Variants in OXNAD1 observed in about 807,000 individuals in gnomAD.
The protein encoded by OXNAD1 is oxidoreductase NAD-binding domain-containing protein 1.
OXNAD1 carries 34 observed loss-of-function variants against 32.9 expected under a neutral mutation model. That is an observed-to-expected ratio of 1.03 (90% CI 0.79 to 1.38). OXNAD1 has a LOEUF of 1.38. OXNAD1 is among the 40% of genes most tolerant of loss of function. The probability of loss-of-function intolerance (pLI) is 0.00; values close to 1 mark genes in which losing one functional copy is unlikely to be tolerated. For missense variants in OXNAD1, 407 were observed against 379.4 expected, an observed-to-expected ratio of 1.07 and a Z score of -0.60; for synonymous variants, 134 against 135.2, an observed-to-expected ratio of 0.99 and a Z score of 0.06.
In OXNAD1 at chr3:16,289,508, G is replaced by T. The variant is rs2066286532; in HGVS notation, c.290+3060G>T. Among the ~76,000 whole-genome samples the T allele has an allele frequency of 6.6e-6, 1 of 152,170 alleles. No individual in the cohort carries two copies. Among genetic ancestry groups the T allele is most frequent in the African/African-American group, 2.4e-5 (1 of 41,430 alleles). On this transcript the variant is annotated intron_variant, in intron 5 of 8. Coordinates refer to ENST00000285083, the MANE Select transcript of OXNAD1 (RefSeq NM_138381.5). This position sits in a 1 kb window ranked among gnomAD's most constrained non-coding sequence, Gnocchi z 4.9. ...ACTTTGAGCCCTGCTGAGAGAAAGAGGACACCAAGAAGAAACACTGGAGGA... is the reference window on the plus strand; with the variant it reads ...ACTTTGAGCCCTGCTGAGAGAAAGATGACACCAAGAAGAAACACTGGAGGA...
At position 16,335,159 on chromosome 3, in the gene OXNAD1, A is replaced by G. The variant is rs1450612895; in HGVS notation, c.*31-1953A>G. Among the ~76,000 whole-genome samples, 4 of 152,264 alleles carry G rather than the reference A, an allele frequency of 2.6e-5. No individual in the cohort carries two copies. The highest frequency in any genetic ancestry group is 5.9e-5 in the Non-Finnish European group (4 of 68,040). The stretch of plus-strand genomic sequence containing the variant: ...CACTAAATCTGTGATTTGTTGCCGC[A>G]GCAACAGGAAATTAATCCACAGCTC... On this transcript the variant is annotated intron_variant, in intron 9 of 9. Coordinates refer to the OXNAD1 transcript ENST00000435829. This position sits in a 1 kb window ranked among gnomAD's most constrained non-coding sequence, Gnocchi z 4.7.
At chr3:16,324,356 AT>A (rs1311709796) in intron 9 of OXNAD1, among the ~76,000 whole-genome samples, 1 of 152,172 alleles carries the variant, frequency 6.6e-6, no homozygotes, top group Non-Finnish European at 1.5e-5. Context: ...AATAGTCACC[AT>A]TCTGTGCAAT....
intron 5 of OXNAD1, among the ~76,000 whole-genome samples, chr3:16,294,309 T>A (rs1248123815): frequency 2.6e-5 from 4 of 152,138 alleles, no homozygotes; most frequent in African/African-American, 4.8e-5. Flanking sequence ...TTCAGGTGAT[T>A]CTTCTGCCTC....
chr3:16,345,422 T>C lies in OXNAD1; in HGVS notation c.*31-3754T>C, dbSNP rs1397505258. 6.6e-6 allele frequency among the ~76,000 whole-genome samples: 1 copy of C among 152,152 alleles called. No homozygotes were observed. The highest frequency in any genetic ancestry group is 1.5e-5 in the Non-Finnish European group (1 of 68,022). ...TTGCCACAGGATGCATAAACATTATTTTTGGGCATGTTGTGAGGGTGTTTC... is the reference window on the plus strand; with the variant it reads ...TTGCCACAGGATGCATAAACATTATCTTTGGGCATGTTGTGAGGGTGTTTC... On this transcript the variant is annotated intron_variant, in intron 9 of 9. Coordinates refer to the OXNAD1 transcript ENST00000606098. This position sits in a 1 kb window ranked among gnomAD's most constrained non-coding sequence, Gnocchi z 5.2.
rs957893120 is a variant in OXNAD1 at position 16,324,621 on chromosome 3, C to CCCCCCCG, written c.*31-12490_*31-12489insCCCCCGC. Among the ~76,000 whole-genome samples the CCCCCCCG allele has an allele frequency of 1.9e-4, 26 of 136,604 alleles. 1 individual carries two copies. Among genetic ancestry groups the CCCCCCCG allele is most frequent in the Non-Finnish European group, 3.1e-4 (19 of 61,280 alleles). The allele number at this position is 136,604 out of a possible 152,430, so 89.6% of individuals were successfully genotyped here. Reference sequence around the variant, plus strand: ...ATAACAGAATGTCCCTGACCCCCCCCCTTTTAAGGTTGCATAGTATTCCAT... The same window carrying CCCCCCCG: ...ATAACAGAATGTCCCTGACCCCCCCCCCCCCCGCTTTTAAGGTTGCATAGTATTCCAT... On this transcript the variant is annotated intron_variant, in intron 9 of 9. Transcript: ENST00000435829.
Position 16,303,493 on chromosome 3 carries a change from CT to C in OXNAD1, c.875del (p.Phe292SerfsTer33). ...YICGPPPMTDFFSKQLENNHV... is the reference protein window; with the variant it reads ...YICGPPPMTDXFSKQLENNHV... ...TTTGTGGCCCACCTCCAATGACAGA[CT>C]TTTTCTCCAAGCAACTGGAAAACAA... is the stretch of plus-strand genomic sequence containing the variant. On this transcript the variant is annotated frameshift_variant, in exon 9 of 9. Transcript: ENST00000285083. LOFTEE classifies it high-confidence loss of function. This position sits in a 1 kb window ranked among gnomAD's most constrained non-coding sequence, Gnocchi z 4.8. 4 of 1,614,038 alleles carry C rather than the reference CT, an allele frequency of 2.5e-6. No individual in the cohort carries two copies. The highest frequency in any genetic ancestry group is 3.4e-6 in the Non-Finnish European group (4 of 1,179,950).
At position 16,346,884 on chromosome 3, in the gene OXNAD1, G is replaced by A. The variant is rs745524606; in HGVS notation, c.*31-2292G>A. On this transcript the variant is annotated intron_variant, in intron 9 of 9. Transcript: ENST00000606098. This position sits in a 1 kb window ranked among gnomAD's most constrained non-coding sequence, Gnocchi z 4.4. ...GAAAGATGGCAACATCTGGATCCCT[G>A]GTGGCATCTTTAAGCTGTTGACAAA... Among the ~76,000 whole-genome samples the A allele has an allele frequency of 6.6e-5, 10 of 152,244 alleles. No homozygotes were observed. The highest frequency in any genetic ancestry group is 2.0e-4 in the Admixed American group (3 of 15,296).
intron 4 of OXNAD1, among the ~76,000 whole-genome samples, chr3:16,281,698 C>G (rs1396384937): frequency 6.6e-6 from 1 of 152,092 alleles, no homozygotes; most frequent in African/African-American, 2.4e-5. Context: ...ACTAATGCTT[C>G]CATTTCACAT....
intron 4 of OXNAD1, among the ~76,000 whole-genome samples, chr3:16,278,536 G>A (rs1486278925): frequency 6.6e-6 from 1 of 152,194 alleles, no homozygotes; most frequent in Non-Finnish European, 1.5e-5. Flanking sequence ...CGTTCCTGGT[G>A]TAATAGCACT....
At position 16,289,988 on chromosome 3, in the gene OXNAD1, T is replaced by A. The variant is rs1461676575; in HGVS notation, c.290+3540T>A. Among the ~76,000 whole-genome samples the A allele has an allele frequency of 2.0e-5, 3 of 152,224 alleles. No homozygotes were observed. The highest frequency in any genetic ancestry group is 3.8e-4 in the East Asian group (2 of 5,202). On this transcript the variant is annotated intron_variant, in intron 5 of 8. Transcript: ENST00000285083. This position sits in a 1 kb window ranked among gnomAD's most constrained non-coding sequence, Gnocchi z 4.9. ...GCCTGTATATGGTAGGCAGGTGCTC[T>A]CTTAGATGTTTGCATTAAGTGAATG...
chr3:16,308,837 A>G (rs1408009011), downstream of OXNAD1, among the ~76,000 whole-genome samples: 1 of 152,110 alleles, frequency 6.6e-6, no homozygotes, highest in African/African-American at 2.4e-5. The surrounding 1 kb of genome is among the most constrained non-coding windows in gnomAD (Gnocchi z 4.4). Flanking sequence ...GCTCATCCCC[A>G]TGTCCTATTT....
At chr3:16,350,333 T>G (rs1019853512), downstream of OXNAD1, 5 of 145,530 alleles carry the variant, frequency 3.4e-5, no homozygotes, top group African/African-American at 1.2e-4. Context: ...TGCCTTCTTG[T>G]GAACACATGC....
chr3:16,313,811 T>G (rs1164014129), intron 9 of OXNAD1: 3 of 152,158 alleles, frequency 2.0e-5, no homozygotes, highest in African/African-American at 7.2e-5. Context: ...ACTACTTCAT[T>G]AACATAGATT....
intron 4 of OXNAD1, among the ~76,000 whole-genome samples, chr3:16,282,614 A>C (rs2065825543): frequency 6.6e-6 from 1 of 152,028 alleles, no homozygotes; most frequent in Non-Finnish European, 1.5e-5. Flanking sequence ...AGGGGGTGTT[A>C]CTTGAGCAGG....
intron 6 of OXNAD1, among the ~76,000 whole-genome samples, chr3:16,300,061 G>C (rs532189672): frequency 1.6e-4 from 24 of 152,078 alleles, no homozygotes; most frequent in Non-Finnish European, 3.4e-4. Context: ...GATTTCATAG[G>C]GGCTATGATT....
At chr3:16,323,868 C>A (rs909911604) in intron 9 of OXNAD1, among the ~76,000 whole-genome samples, 2 of 152,206 alleles carry the variant, frequency 1.3e-5, no homozygotes, top group African/African-American at 4.8e-5. Flanking sequence ...TGCTACAGGA[C>A]AGTGGACAGA....
chr3:16,333,260 C>G (rs1249659581), intron 9 of OXNAD1, among the ~76,000 whole-genome samples: 2 of 152,200 alleles, frequency 1.3e-5, no homozygotes, highest in African/African-American at 2.4e-5. Context: ...AGGACACTTG[C>G]TTTTAGTATG....
At chr3:16,272,053 T>C in intron 4 of OXNAD1, 1 of 475,056 alleles carries the variant, frequency 2.1e-6, no homozygotes, top group South Asian at 1.8e-5. Context: ...CTACATTTTA[T>C]GAATAGCTTA....
intron 4 of OXNAD1, among the ~76,000 whole-genome samples, chr3:16,278,441 A>G (rs572252028): frequency 6.6e-6 from 1 of 152,300 alleles, no homozygotes; most frequent in African/African-American, 2.4e-5. Flanking sequence ...TTTCTATTTC[A>G]CAGATGAGGG....
Sources: gnomAD v4.1 joint callset for allele counts (sites outside exome capture counted in the v4.1 genomes callset) on GRCh38, gnomAD v4.1.1 for gene constraint, Gnocchi (gnomAD v3.1) non-coding constraint, MANE v1.5 for transcripts, NCBI Gene and HGNC (gene_info 2026-07-23, HGNC 2026-07-21) for gene names.